ZFYVE9: variants seen among roughly 807,000 people sequenced by gnomAD.
The protein encoded by ZFYVE9 is zinc finger FYVE-type containing 9, also known as zinc finger FYVE domain-containing protein 9.
Under a neutral mutation model 126.7 loss-of-function variants are expected in ZFYVE9, and 43 were observed. The observed-to-expected ratio is 0.34, with a 90% confidence interval of 0.27 to 0.44. The LOEUF is 0.44. Among genes scored for constraint, ZFYVE9 ranks in the 20% least tolerant of loss-of-function variants. The pLI is 1.00. For synonymous variants in ZFYVE9, 521 were observed against 597.4 expected (o/e 0.87, Z 1.87); for missense variants, 1,476 against 1,697.0 (o/e 0.87, Z 2.29).
At chr1:52,303,452 G>A (rs780664030) in intron 12 of ZFYVE9, among the ~76,000 whole-genome samples, 14 of 152,154 alleles carry the variant, frequency 9.2e-5, no homozygotes, top group Non-Finnish European at 1.6e-4. Context: ...TGTTCCAGGC[G>A]TTAAGGATAT....
intron 2 of ZFYVE9, among the ~76,000 whole-genome samples, chr1:52,223,194 G>A (rs1324985124): frequency 6.6e-6 from 1 of 152,092 alleles, no homozygotes; most frequent in East Asian, 1.9e-4. Flanking sequence ...TGAGTGGAAG[G>A]ACTTTCTTTT....
chr1:52,144,629 CTT>C (rs199661772), intron 1 of ZFYVE9, among the ~76,000 whole-genome samples: 89 of 136,034 alleles, frequency 6.5e-4, no homozygotes, highest in Admixed American at 7.4e-4. Context: ...TCATTTCTTT[CTT>C]TTTTTTTTTT....
intron 1 of ZFYVE9, chr1:52,162,652 C>T (rs2124513752): frequency 3.6e-6 from 1 of 278,210 alleles, no homozygotes; most frequent in South Asian, 6.2e-5. Context: ...AAACTAAGGC[C>T]AAACACTCTA....
At chr1:52,164,239 G>A (rs2124515789) in intron 1 of ZFYVE9, among the ~76,000 whole-genome samples, 1 of 150,092 alleles carries the variant, frequency 6.7e-6, no homozygotes, top group Non-Finnish European at 1.5e-5. Flanking sequence ...TTTAAGATGG[G>A]GTCTCATTCT....
chr1:52,164,033 C>T lies in ZFYVE9; in HGVS notation c.-143+21630C>T, dbSNP rs562637493. Among the ~76,000 whole-genome samples the T allele has an allele frequency of 7.2e-5, 11 of 152,094 alleles. No homozygotes were observed. The East Asian group carries it at 1.4e-3, about 19-fold the overall frequency. On this transcript the variant is annotated intron_variant, in intron 1 of 18. Coordinates refer to ENST00000287727, the MANE Select transcript of ZFYVE9 (RefSeq NM_004799.4). ...GTGGCTCAATCACTGCTCACTGCAA[C>T]CCCCGCCTCCTAGGCTCAAGCCATC...
chr1:52,252,679 G>A, intron 4 of ZFYVE9: 3 of 365,670 alleles, frequency 8.2e-6, no homozygotes, highest in South Asian at 4.4e-5. Flanking sequence ...TTTACTTGAG[G>A]TTCCACATGC....
chr1:52,194,100 C>G (rs1644840107), intron 1 of ZFYVE9, among the ~76,000 whole-genome samples: 1 of 152,066 alleles, frequency 6.6e-6, no homozygotes, highest in South Asian at 2.1e-4. Flanking sequence ...CAGAGCCAGA[C>G]TCCATCTCAA....
chr1:52,261,226 C>CTT (rs954031127), intron 4 of ZFYVE9, among the ~76,000 whole-genome samples: 29 of 132,118 alleles, frequency 2.2e-4, no homozygotes, highest in East Asian at 4.2e-4. Flanking sequence ...TTCTTTCTTT[C>CTT]TTTTTTTTTT....
chr1:52,173,871 T>C (rs146267745), intron 1 of ZFYVE9, among the ~76,000 whole-genome samples: 2,808 of 152,218 alleles, frequency 0.018, 105 homozygotes, highest in African/African-American at 0.065. Flanking sequence ...TTTTTTATTG[T>C]GTCTATTTGA....
intron 2 of ZFYVE9, among the ~76,000 whole-genome samples, chr1:52,232,258 G>T (rs1645230294): frequency 6.6e-6 from 1 of 152,244 alleles, no homozygotes; most frequent in South Asian, 2.1e-4. Flanking sequence ...TAGGTGTGGA[G>T]ATCATGGTAA....
chr1:52,176,277 C>T lies in ZFYVE9; in HGVS notation c.-143+33874C>T, dbSNP rs569019572. Among the ~76,000 whole-genome samples, 5 of 152,314 alleles carry T rather than the reference C, an allele frequency of 3.3e-5. No homozygotes were observed. The East Asian group carries it at 9.6e-4, about 29-fold the overall frequency. ...AGAGGTCCACTCCAGACCCTGTTTG[C>T]CTGGGTATCAGCAGTGGTGGCTGTA... On this transcript the variant is annotated intron_variant, in intron 1 of 18. Coordinates refer to ENST00000287727, the MANE Select transcript of ZFYVE9 (RefSeq NM_004799.4).
intron 13 of ZFYVE9, among the ~76,000 whole-genome samples, chr1:52,309,863 T>G (rs1182944295): frequency 6.6e-6 from 1 of 152,184 alleles, no homozygotes; most frequent in African/African-American, 2.4e-5. Context: ...AGATAGTACT[T>G]CTGACGGCAT....
At chr1:52,291,084 C>T (rs1410054161) in intron 10 of ZFYVE9, among the ~76,000 whole-genome samples, 2 of 152,186 alleles carry the variant, frequency 1.3e-5, no homozygotes, top group Non-Finnish European at 2.9e-5. Flanking sequence ...TTTCATAGAT[C>T]TGGCCTAGCA....
At chr1:52,180,449 G>A (rs1644687435) in intron 1 of ZFYVE9, 1 of 1,228,886 alleles carries the variant, frequency 8.1e-7, no homozygotes, top group Admixed American at 1.7e-5. Context: ...GAGCAATTAA[G>A]AGGGACCTGG....
chr1:52,154,014 C>G (rs1204252171), intron 1 of ZFYVE9, among the ~76,000 whole-genome samples: 1 of 152,220 alleles, frequency 6.6e-6, no homozygotes, highest in Admixed American at 6.5e-5. Flanking sequence ...CCAATACTCT[C>G]TAAGACTGGT....
intron 13 of ZFYVE9, among the ~76,000 whole-genome samples, chr1:52,331,777 TTTTTTTTTTTA>T (rs1646343651): frequency 6.7e-6 from 1 of 150,368 alleles, no homozygotes; most frequent in Admixed American, 6.6e-5. Context: ...CAAACTCTTT[TTTTTTTTTTTA>T]TTTTTTTTTG....
chr1:52,194,377 TA>T lies in ZFYVE9; in HGVS notation c.-142-21983del, dbSNP rs368842564. On this transcript the variant is annotated intron_variant, in intron 1 of 18. Transcript: ENST00000287727. Reference sequence around the variant, plus strand: ...CTACATAAAATGGAAGACCTTCATATAAAAAAAAACCTCACTCAAACATTAA... The same window carrying T: ...CTACATAAAATGGAAGACCTTCATATAAAAAAAACCTCACTCAAACATTAA... Among the ~76,000 whole-genome samples, 69 of 151,262 alleles carry T rather than the reference TA, an allele frequency of 4.6e-4. 1 individual carries two copies. The East Asian group carries it at 0.013, about 29-fold the overall frequency.
At chr1:52,181,010 A>G (rs141589377) in intron 1 of ZFYVE9, among the ~76,000 whole-genome samples, 1 of 149,818 alleles carries the variant, frequency 6.7e-6, no homozygotes, top group Admixed American at 6.7e-5. Flanking sequence ...AGAAATAATC[A>G]TTGCTGGAAA....
intron 3 of ZFYVE9, among the ~76,000 whole-genome samples, chr1:52,236,745 G>A (rs1242971108): frequency 6.6e-6 from 1 of 152,114 alleles, no homozygotes; most frequent in Non-Finnish European, 1.5e-5. Flanking sequence ...GATTAATAAT[G>A]TATTGTGACA....
Sources: gnomAD v4.1 joint callset for allele counts (sites outside exome capture counted in the v4.1 genomes callset) on GRCh38, gnomAD v4.1.1 for gene constraint, MANE v1.5 for transcripts, NCBI Gene and HGNC (gene_info 2026-07-23, HGNC 2026-07-21) for gene names.